The following ARID1A variants were observed in gnomAD, a reference collection of about 807,000 sequenced individuals.
ARID1A encodes AT-rich interaction domain 1A.
In ARID1A, 20 loss-of-function variants were observed where a neutral mutation model predicts 212.6. The ratio of observed to expected loss-of-function variants is 0.09; its 90% CI spans 0.07 to 0.14. The LOEUF (loss-of-function observed/expected upper bound fraction) is 0.14. ARID1A is among the 10% of genes least tolerant of loss of function. The pLI is 1.00. For missense variants in ARID1A, 2,587 were observed against 3,059.0 expected (o/e 0.85, Z 3.64); for synonymous variants, 1,376 against 1,222.1 (o/e 1.13, Z -2.63).
chr1:26,707,636 C>T (rs145968228), intron 1 of ARID1A, among the ~76,000 whole-genome samples: 1 of 152,274 alleles, frequency 6.6e-6, no homozygotes, highest in East Asian at 1.9e-4. Context: ...AGCCACTGTG[C>T]CTGGCAAGGA....
At chr1:26,778,654 A>C (rs967162571) in intron 19 of ARID1A, 1 of 169,924 alleles carries the variant, frequency 5.9e-6, no homozygotes, top group Admixed American at 6.2e-5. Context: ...TGAGATGGAG[A>C]GAGTGTCCTA....
At chr1:26,759,376 G>A (rs1315445441) in intron 4 of ARID1A, among the ~76,000 whole-genome samples, 1 of 151,814 alleles carries the variant, frequency 6.6e-6, no homozygotes, top group African/African-American at 2.4e-5. Context: ...CTTATTTTTG[G>A]GGGTATTTTT....
At position 26,780,510 on chromosome 1, in the gene ARID1A, C is replaced by G. The variant is rs752465350; in HGVS notation, c.6612C>G (p.Ala2204=). The G allele has an allele frequency of 1.2e-6, 2 of 1,614,190 alleles. No homozygotes were observed. The highest frequency in any genetic ancestry group is 1.7e-6 in the Non-Finnish European group (2 of 1,180,032). The change falls in exon 20 of 20, where the codon GCC becomes GCG. Residue 2204 remains alanine (A), a synonymous_variant. Coordinates refer to ENST00000324856, the MANE Select transcript of ARID1A (RefSeq NM_006015.6). This position sits in a 1 kb window ranked among gnomAD's most constrained non-coding sequence, Gnocchi z 7.2. ...NLLGFLEDSL[A]ATQFQQSQAS... ...TGGGCTTCCTAGAGGACAGCCTTGC[C>G]GCCACACAGTTCCAGCAGAGCCAGG...
At position 26,779,484 on chromosome 1, in the gene ARID1A, G is replaced by A. The variant is rs748199697; in HGVS notation, c.5586G>A (p.Lys1862=). 15 of 1,614,144 alleles carry A rather than the reference G, an allele frequency of 9.3e-6. No individual in the cohort carries two copies. Among genetic ancestry groups the A allele is most frequent in the Non-Finnish European group, 1.2e-5 (14 of 1,180,032 alleles). ...TEHIQTHFES[K]TELLPSRPHA... ...ATATCCAGACCCACTTCGAGAGCAA[G>A]ACAGAGCTGCTGCCTTCCCGGCCTC... Residue 1862 remains lysine (K), a synonymous_variant, in exon 20 of 20, where the codon AAG becomes AAA. Coordinates refer to ENST00000324856, the MANE Select transcript of ARID1A (RefSeq NM_006015.6).
rs901983604 is a variant in ARID1A, at chr1:26,731,298, G to A, written c.1497G>A (p.Ser499=). Residue 499 remains serine, a synonymous_variant, in exon 3 of 20, where the codon TCG becomes TCA. Transcript: ENST00000324856. ...PPSQTPHAQP[S]YQQQPQSQPP... ...CCCAGACCCCTCATGCCCAACCTTC[G>A]TATCAGCAGCAGCCACAGTCTCAAC... is the stretch of plus-strand genomic sequence containing the variant. The A allele has an allele frequency of 8.7e-6, 14 of 1,613,290 alleles. No homozygotes were observed. The highest frequency in any genetic ancestry group is 1.1e-5 in the Non-Finnish European group (13 of 1,179,898).
intron 4 of ARID1A, among the ~76,000 whole-genome samples, chr1:26,734,426 C>G (rs2080709873): frequency 6.9e-6 from 1 of 144,738 alleles, no homozygotes; most frequent in Non-Finnish European, 1.5e-5. Flanking sequence ...ATCTTAAGAA[C>G]TTCTTATCTG....
rs1474451753 is a variant in ARID1A at position 26,779,252 on chromosome 1, A to T, written c.5354A>T (p.Asp1785Val). The change falls in exon 20 of 20, where the codon GAT becomes GTT. Residue 1785 changes from aspartate (D) to valine (V), a missense_variant. Around this residue, in one of 11 missense-constraint regions of ARID1A, gnomAD observed 890 missense variants for 1,098.2 expected, o/e 0.81. Coordinates refer to ENST00000324856, the MANE Select transcript of ARID1A (RefSeq NM_006015.6). ...GAAGAAGAGGAAGTAGTTGAAAATG[A>T]TGAGGAGATAGCCTTTTCAGGCAAG... ...EEEEEEVVEN[D>V]EEIAFSGKDK... The T allele has an allele frequency of 1.2e-6, 2 of 1,614,070 alleles. No individual in the cohort carries two copies. The highest frequency in any genetic ancestry group is 1.3e-5 in the African/African-American group (1 of 74,920).
Position 26,775,041 on chromosome 1 carries a change from C to T in ARID1A, c.4814C>T (p.Pro1605Leu), listed in dbSNP as rs375431469. 1.9e-5 allele frequency: 31 copies of T among 1,611,598 alleles called. No individual in the cohort carries two copies. The highest frequency in any genetic ancestry group is 2.5e-5 in the Non-Finnish European group (29 of 1,178,926). The change falls in exon 18 of 20, where the codon CCA becomes CTA. Residue 1605 changes from proline to leucine, a missense_variant. By Grantham distance (98) the Pro-to-Leu change is moderately conservative (BLOSUM62 -3). Around this residue, in one of 11 missense-constraint regions of ARID1A, gnomAD observed 890 missense variants for 1,098.2 expected, o/e 0.81. Transcript: ENST00000324856. ...MENRTSPSKSPFLHSGMKMQK... is the reference protein window; with the variant it reads ...MENRTSPSKSLFLHSGMKMQK... The stretch of plus-strand genomic sequence containing the variant: ...AACCGCACCTCTCCTAGCAAGTCTC[C>T]ATTCCTGCACTCTGGGATGAAAATG...
Position 26,772,648 on chromosome 1 carries a change from G to T in ARID1A, c.3539+16G>T, listed in dbSNP as rs752149718. On this transcript the variant is annotated intron_variant, in intron 13 of 19. Transcript: ENST00000324856. ...CAGGCATGAGGTAAGGCCAAGAGCAGGGGCAGATGGTTGGGAGGATGGCTG... is the reference window on the plus strand; with the variant it reads ...CAGGCATGAGGTAAGGCCAAGAGCATGGGCAGATGGTTGGGAGGATGGCTG... The T allele has an allele frequency of 6.2e-6, 10 of 1,614,238 alleles. No homozygotes were observed. Among genetic ancestry groups the T allele is most frequent in the Middle Eastern group, 1.6e-4 (1 of 6,062 alleles).
In ARID1A at chr1:26,760,901, G is replaced by A. The variant is rs1275523889; in HGVS notation, c.1966G>A (p.Ala656Thr). 1 of 1,614,046 alleles carries A rather than the reference G, an allele frequency of 6.2e-7. No homozygotes were observed. The highest frequency in any genetic ancestry group is 2.2e-5 in the East Asian group (1 of 44,872). ...TGACCTCCCCATGGGGACAGAAGGA[G>A]CTCTGAGTCCTGGAGTGAGCACATC... ...IDDLPMGTEGALSPGVSTSGI... is the reference protein window; with the variant it reads ...IDDLPMGTEGTLSPGVSTSGI... Residue 656 changes from alanine to threonine, a missense_variant, in exon 5 of 20, where the codon GCT (alanine) becomes ACT (threonine). Around this residue, in one of 11 missense-constraint regions of ARID1A, gnomAD observed 674 missense variants for 813.4 expected, o/e 0.83. Transcript: ENST00000324856.
At position 26,697,076 on chromosome 1, in the gene ARID1A, C is replaced by T. The variant is rs1557570557; in HGVS notation, c.673C>T (p.Pro225Ser). 4 of 1,496,722 alleles carry T rather than the reference C, an allele frequency of 2.7e-6. No individual in the cohort carries two copies. The East Asian group carries it at 1.1e-4, about 42-fold the overall frequency. The allele number at this position is 1,496,722 out of a possible 1,614,324, so 92.7% of individuals were successfully genotyped here. The change falls in exon 1 of 20, where the codon CCC becomes TCC. Residue 225 changes from proline to serine, a missense_variant. Transcript: ENST00000324856. ...YYPNRSAYPPPAPAYALSSPR... is the reference protein window; with the variant it reads ...YYPNRSAYPPSAPAYALSSPR... ...CCCCAACCGCAGCGCCTACCCCCCG[C>T]CCGCCCCGGCCTACGCGCTGAGCTC...
chr1:26,752,891 C>A (rs1419552043), intron 4 of ARID1A: 1 of 152,168 alleles, frequency 6.6e-6, no homozygotes, highest in Non-Finnish European at 1.5e-5. Context: ...GGTTTACCTG[C>A]CAGTATCAGC....
At chr1:26,765,276 G>A (rs953914941) in intron 8 of ARID1A, 4 of 151,892 alleles carry the variant, frequency 2.6e-5, no homozygotes, top group African/African-American at 9.7e-5. Flanking sequence ...AACGAGGTCA[G>A]GACATCGAGA....
At chr1:26,745,657 C>A (rs911843310) in intron 4 of ARID1A, among the ~76,000 whole-genome samples, 1 of 152,114 alleles carries the variant, frequency 6.6e-6, no homozygotes, top group Non-Finnish European at 1.5e-5. Flanking sequence ...CAGGGTCATT[C>A]AGTAAATGAG....
rs875989848 is a variant in ARID1A at position 26,697,510 on chromosome 1, CG to C, written c.1113del (p.Gln372SerfsTer19). On this transcript the variant is annotated frameshift_variant, in exon 1 of 20. Transcript: ENST00000324856. LOFTEE classifies it high-confidence loss of function. ...APMSPGSSGG[G>X]GQPLARTPQP... ...CCATGAGCCCCGGGAGCAGCGGCGG[CG>C]GGGGGCAGCCGCTCGCCCGGACCCC... 17 of 1,404,672 alleles carry C rather than the reference CG, an allele frequency of 1.2e-5. No individual in the cohort carries two copies. The highest frequency in any genetic ancestry group is 9.9e-5 in the Admixed American group (3 of 30,442). 87.0% of individuals were successfully genotyped at this position (1,404,672 alleles called of 1,614,324 possible).
intron 4 of ARID1A, among the ~76,000 whole-genome samples, chr1:26,755,348 C>T (rs991687406): frequency 3.3e-5 from 5 of 152,206 alleles, no homozygotes; most frequent in African/African-American, 1.2e-4. Flanking sequence ...GAGAGGTTGG[C>T]CTCAAGCCAA....
rs1455203270 is a variant in ARID1A at position 26,774,846 on chromosome 1, A to G, written c.4619A>G (p.Asn1540Ser). 4 of 1,609,112 alleles carry G rather than the reference A, an allele frequency of 2.5e-6. No individual in the cohort carries two copies. The highest frequency in any genetic ancestry group is 2.5e-6 in the Non-Finnish European group (3 of 1,176,478). ...DEMLHTDQRA[N>S]HEGSWPSHGT... ...ATGCTGCACACAGATCAGAGGGCCAACCACGAAGGCTCGTGGCCTTCCCAT... is the reference window on the plus strand; with the variant it reads ...ATGCTGCACACAGATCAGAGGGCCAGCCACGAAGGCTCGTGGCCTTCCCAT... Residue 1540 changes from asparagine (N) to serine (S), a missense_variant, in exon 18 of 20, where the codon AAC becomes AGC. By Grantham distance (46) the Asn-to-Ser change is conservative. This residue lies in a region of ARID1A where 890 missense variants were observed against 1,098.2 expected (regional missense o/e 0.81). Coordinates refer to ENST00000324856, the MANE Select transcript of ARID1A (RefSeq NM_006015.6). This position sits in a 1 kb window ranked among gnomAD's most constrained non-coding sequence, Gnocchi z 5.6.
At position 26,774,519 on chromosome 1, in the gene ARID1A, A is replaced by G; in HGVS notation, c.4292A>G (p.Tyr1431Cys). 2.5e-6 allele frequency: 4 copies of G among 1,614,044 alleles called. No individual in the cohort carries two copies. Among genetic ancestry groups the G allele is most frequent in the Non-Finnish European group, 3.4e-6 (4 of 1,179,962 alleles). Residue 1431 changes from tyrosine (Y) to cysteine (C), a missense_variant, in exon 18 of 20, where the codon TAT (tyrosine) becomes TGT (cysteine). Physicochemically the swap from Tyr to Cys is radical, Grantham distance 194. This residue lies in a region of ARID1A where 890 missense variants were observed against 1,098.2 expected (regional missense o/e 0.81). Coordinates refer to ENST00000324856, the MANE Select transcript of ARID1A (RefSeq NM_006015.6). The surrounding 1 kb of genome is among the most constrained non-coding windows in gnomAD (Gnocchi z 5.6). ...PSPQQDVYNQ[Y>C]GNAYPATATA... The stretch of plus-strand genomic sequence containing the variant: ...CCTCAGCAAGATGTATACAACCAGT[A>G]TGGCAATGCCTATCCTGCCACTGCC...
chr1:26,699,444 A>G (rs2080311263), intron 1 of ARID1A, among the ~76,000 whole-genome samples: 1 of 152,132 alleles, frequency 6.6e-6, no homozygotes, highest in Non-Finnish European at 1.5e-5. Flanking sequence ...AATTTTGTTC[A>G]CTTACTAGCT....
Sources: gnomAD v4.1 joint callset for allele counts (sites outside exome capture counted in the v4.1 genomes callset) on GRCh38, gnomAD v4.1.1 for gene constraint, gnomAD v4.1.1 regional missense constraint, Gnocchi (gnomAD v3.1) non-coding constraint, MANE v1.5 for transcripts, NCBI Gene and HGNC (gene_info 2026-07-23, HGNC 2026-07-21) for gene names.